Variants in PDZRN4 observed in about 807,000 individuals in gnomAD.
PDZRN4 encodes the protein PDZ domain-containing RING finger protein 4.
In PDZRN4, 70 loss-of-function variants were observed where a neutral mutation model predicts 99.0. That is an observed-to-expected ratio of 0.71 (90% CI 0.58 to 0.86). PDZRN4 has a LOEUF of 0.86. Among genes scored for constraint, PDZRN4 ranks in the 40% least tolerant of loss-of-function variants. The pLI, the probability that PDZRN4 is intolerant of heterozygous loss-of-function variation, is 0.00. For missense variants in PDZRN4, 1,474 were observed against 1,331.2 expected (o/e 1.11, Z -1.67); for synonymous variants, 551 against 501.6 (o/e 1.10, Z -1.32).
chr12:41,264,573 T>C (rs1951264379), intron 3 of PDZRN4, among the ~76,000 whole-genome samples: 1 of 152,166 alleles, frequency 6.6e-6, no homozygotes, highest in African/African-American at 2.4e-5. Context: ...CAAAAGGAAT[T>C]ATTTAGTTCT....
chr12:41,532,233 A>G (rs1275552752), intron 5 of PDZRN4, among the ~76,000 whole-genome samples: 4 of 152,150 alleles, frequency 2.6e-5, no homozygotes. Context: ...GTTTCTGTAT[A>G]TGTATGAGTC....
chr12:41,289,131 C>A (rs1193188666), intron 3 of PDZRN4, among the ~76,000 whole-genome samples: 1 of 152,010 alleles, frequency 6.6e-6, no homozygotes, highest in East Asian at 1.9e-4. Flanking sequence ...AAAACTTCAG[C>A]CCTTTCTTTT....
At chr12:41,489,636 G>C (rs1937845210) in intron 3 of PDZRN4, among the ~76,000 whole-genome samples, 1 of 149,948 alleles carries the variant, frequency 6.7e-6, no homozygotes, top group African/African-American at 2.4e-5. Context: ...GAAAGATTTA[G>C]ACTTCATAAA....
rs748928336 is a variant in PDZRN4 at position 41,573,733 on chromosome 12, T to A, written c.2954T>A (p.Ile985Asn). The change falls in exon 10 of 10, where the codon ATC becomes AAC. Residue 985 changes from isoleucine (I) to asparagine (N), a missense_variant. By Grantham distance (149) the Ile-to-Asn change is moderately radical (BLOSUM62 -3). Transcript: ENST00000402685. ...PQSGSEGKKE[I>N]NIIELSHKKM... ...AGCGGCAGTGAGGGCAAGAAGGAGA[T>A]CAATATCATTGAACTGAGTCACAAA... The A allele has an allele frequency of 1.9e-6, 3 of 1,613,598 alleles. No individual in the cohort carries two copies. Among genetic ancestry groups the A allele is most frequent in the Non-Finnish European group, 2.5e-6 (3 of 1,179,896 alleles).
At chr12:41,276,533 T>C (rs572912663) in intron 3 of PDZRN4, among the ~76,000 whole-genome samples, 1 of 152,156 alleles carries the variant, frequency 6.6e-6, no homozygotes, top group Non-Finnish European at 1.5e-5. Context: ...TACATCATAT[T>C]TATACATGTC....
chr12:41,282,342 C>G (rs1441015217), intron 3 of PDZRN4, among the ~76,000 whole-genome samples: 1 of 152,156 alleles, frequency 6.6e-6, no homozygotes, highest in Non-Finnish European at 1.5e-5. Flanking sequence ...TATATATGCA[C>G]CCAATACAGG....
intron 3 of PDZRN4, among the ~76,000 whole-genome samples, chr12:41,475,902 G>T (rs1004449477): frequency 2.7e-4 from 41 of 151,738 alleles, no homozygotes; most frequent in African/African-American, 9.9e-4. Flanking sequence ...ACCATTTTTT[G>T]GCACTTGCTA....
intron 5 of PDZRN4, among the ~76,000 whole-genome samples, chr12:41,519,457 G>A (rs1938455481): frequency 6.6e-6 from 1 of 152,022 alleles, no homozygotes; most frequent in African/African-American, 2.4e-5. Flanking sequence ...AGTTGAGCCT[G>A]GTGCATCTTC....
chr12:41,460,104 G>A, intron 3 of PDZRN4: 4 of 1,277,440 alleles, frequency 3.1e-6, no homozygotes, highest in Non-Finnish European at 4.1e-6. Flanking sequence ...TTTCTGTCAG[G>A]GGATCATAAA....
At chr12:41,276,161 A>G (rs983587357) in intron 3 of PDZRN4, among the ~76,000 whole-genome samples, 3 of 152,168 alleles carry the variant, frequency 2.0e-5, no homozygotes, top group Non-Finnish European at 4.4e-5. Flanking sequence ...AAGCTTACAT[A>G]TTACAATGGT....
intron 3 of PDZRN4, chr12:41,473,515 G>T (rs1039743518): frequency 6.6e-6 from 1 of 152,200 alleles, no homozygotes; most frequent in Non-Finnish European, 1.5e-5. Flanking sequence ...CATCCCCACT[G>T]TATCTCCCAA....
intron 3 of PDZRN4, chr12:41,459,836 G>A (rs1009689299): frequency 1.4e-6 from 1 of 697,342 alleles, no homozygotes; most frequent in Non-Finnish European, 2.0e-6. Flanking sequence ...TACATTCAGG[G>A]GTATTGGGAA....
intron 3 of PDZRN4, among the ~76,000 whole-genome samples, chr12:41,462,917 A>T (rs1952886220): frequency 6.6e-6 from 1 of 152,196 alleles, no homozygotes. Context: ...TCCACTGTCA[A>T]ACTCTTGGTG....
chr12:41,216,485 C>A (rs1000492099), intron 3 of PDZRN4, among the ~76,000 whole-genome samples: 2 of 151,910 alleles, frequency 1.3e-5, no homozygotes, highest in African/African-American at 2.4e-5. Context: ...AGAAATCATT[C>A]CTAAAACAAT....
At chr12:41,443,496 T>C in intron 3 of PDZRN4, among the ~76,000 whole-genome samples, 1 of 152,046 alleles carries the variant, frequency 6.6e-6, no homozygotes, top group East Asian at 1.9e-4. Context: ...ATCTTCCAAT[T>C]TTCTGTTCAT....
intron 3 of PDZRN4, among the ~76,000 whole-genome samples, chr12:41,376,958 T>C (rs1298690637): frequency 6.6e-6 from 1 of 152,216 alleles, no homozygotes; most frequent in African/African-American, 2.4e-5. Flanking sequence ...ATATTCAGTT[T>C]TTCCAACACC....
intron 3 of PDZRN4, among the ~76,000 whole-genome samples, chr12:41,288,082 T>G (rs1951432308): frequency 6.6e-6 from 1 of 152,150 alleles, no homozygotes; most frequent in South Asian, 2.1e-4. Flanking sequence ...ATGTTACAAA[T>G]TGAAATAAAA....
At chr12:41,274,752 G>A in intron 3 of PDZRN4, among the ~76,000 whole-genome samples, 1 of 152,004 alleles carries the variant, frequency 6.6e-6, no homozygotes, top group East Asian at 1.9e-4. Flanking sequence ...GCATTCCCTG[G>A]CTCAAACTTT....
intron 3 of PDZRN4, among the ~76,000 whole-genome samples, chr12:41,404,497 G>A (rs932218856): frequency 6.6e-6 from 1 of 152,054 alleles, no homozygotes; most frequent in Non-Finnish European, 1.5e-5. Context: ...ACTGCTGAAC[G>A]AAATCAGAGA....
Sources: gnomAD v4.1 joint callset for allele counts (sites outside exome capture counted in the v4.1 genomes callset) on GRCh38, gnomAD v4.1.1 for gene constraint, MANE v1.5 for transcripts, NCBI Gene and HGNC (gene_info 2026-07-23, HGNC 2026-07-21) for gene names.